The following GRB14 variants were observed in gnomAD, a reference collection of about 807,000 sequenced individuals.
GRB14 encodes the protein growth factor receptor bound protein 14.
GRB14 carries 38 observed loss-of-function variants against 69.1 expected under a neutral mutation model. That is an observed-to-expected ratio of 0.55 (90% CI 0.42 to 0.72). The LOEUF is 0.72. Among genes scored for constraint, GRB14 ranks in the 30% least tolerant of loss-of-function variants. GRB14 has a pLI of 0.00. For missense variants in GRB14, 666 were observed against 666.1 expected, an observed-to-expected ratio of 1.00 and a Z score of 0.00; for synonymous variants, 247 against 241.3, an observed-to-expected ratio of 1.02 and a Z score of -0.22.
chr2:164,578,975 G>C (rs1464509176), intron 2 of GRB14, among the ~76,000 whole-genome samples: 1 of 151,960 alleles, frequency 6.6e-6, no homozygotes, highest in Non-Finnish European at 1.5e-5. Flanking sequence ...TACTGGGTAG[G>C]AATTAAGAGA....
At chr2:164,510,142 A>G (rs1173587405) in intron 6 of GRB14, among the ~76,000 whole-genome samples, 1 of 152,208 alleles carries the variant, frequency 6.6e-6, no homozygotes, top group East Asian at 1.9e-4. Context: ...GCTGGTAAAA[A>G]TGTTTGATTT....
At chr2:164,529,684 A>G (rs1180153345) in intron 3 of GRB14, among the ~76,000 whole-genome samples, 1 of 152,142 alleles carries the variant, frequency 6.6e-6, no homozygotes, top group Non-Finnish European at 1.5e-5. Context: ...CACCATTTCA[A>G]TTTAGACCTT....
At chr2:164,603,945 G>A (rs964426907) in intron 2 of GRB14, among the ~76,000 whole-genome samples, 7 of 152,152 alleles carry the variant, frequency 4.6e-5, no homozygotes, top group African/African-American at 1.7e-4. Flanking sequence ...GAATAATACA[G>A]GTAATTCACA....
chr2:164,508,625 A>C, intron 7 of GRB14, 75 bp from the exon 8 acceptor site: 1 of 1,470,880 alleles, frequency 6.8e-7, no homozygotes. Context: ...AAAGCCACTA[A>C]AATTCTCCTA....
intron 3 of GRB14, among the ~76,000 whole-genome samples, chr2:164,543,897 A>G (rs2105306648): frequency 6.6e-6 from 1 of 152,358 alleles, no homozygotes; most frequent in Admixed American, 6.5e-5. Context: ...AGATGACAGT[A>G]CCTCAATAGT....
intron 3 of GRB14, among the ~76,000 whole-genome samples, chr2:164,547,148 T>C (rs1688401285): frequency 6.6e-6 from 1 of 152,048 alleles, no homozygotes; most frequent in African/African-American, 2.4e-5. Flanking sequence ...AGTGCCAAGA[T>C]ACAGACACAC....
At chr2:164,592,443 T>C (rs987397344) in intron 2 of GRB14, among the ~76,000 whole-genome samples, 4 of 152,090 alleles carry the variant, frequency 2.6e-5, no homozygotes, top group Non-Finnish European at 5.9e-5. Context: ...GAGTCATGGG[T>C]ATGTCTTTAT....
At chr2:164,561,948 C>A (rs1688839442) in intron 2 of GRB14, among the ~76,000 whole-genome samples, 1 of 152,004 alleles carries the variant, frequency 6.6e-6, no homozygotes, top group Non-Finnish European at 1.5e-5. Flanking sequence ...CTTTTCATCC[C>A]AAAAGATGAG....
chr2:164,524,373 A>T (rs1433859869), intron 5 of GRB14, among the ~76,000 whole-genome samples: 2 of 152,146 alleles, frequency 1.3e-5, no homozygotes, highest in African/African-American at 4.8e-5. Context: ...TATTGTAATG[A>T]CAATGTCTTT....
chr2:164,592,023 A>T (rs977534071), intron 2 of GRB14, among the ~76,000 whole-genome samples: 1 of 152,020 alleles, frequency 6.6e-6, no homozygotes, highest in Non-Finnish European at 1.5e-5. Context: ...ACCATGTAAG[A>T]TGTGCCTTTT....
At chr2:164,616,767 G>A (rs1690308394) in intron 2 of GRB14, among the ~76,000 whole-genome samples, 2 of 152,096 alleles carry the variant, frequency 1.3e-5, no homozygotes, top group African/African-American at 4.8e-5. Context: ...TTTTTCTGTG[G>A]AGAGAAAAGA....
Position 164,621,381 on chromosome 2 carries a change from G to GCCTCCCGCC in GRB14, c.-73_-72insGGCGGGAGG. 8.4e-7 allele frequency: 1 copy of GCCTCCCGCC among 1,194,388 alleles called. No homozygotes were observed. Among genetic ancestry groups the GCCTCCCGCC allele is most frequent in the Non-Finnish European group, 1.1e-6 (1 of 950,492 alleles). The allele number at this position is 1,194,388 out of a possible 1,614,324, so 74.0% of individuals were successfully genotyped here. On this transcript the variant is annotated 5_prime_UTR_variant, in exon 1 of 14. Coordinates refer to ENST00000263915, the MANE Select transcript of GRB14 (RefSeq NM_004490.3). This position sits in a 1 kb window ranked among gnomAD's most constrained non-coding sequence, Gnocchi z 6.0. ...GGGAGAAGGGGTTTGCGCGGCGGGA[G>GCCTCCCGCC]GCGAGGTGCCGGCTAGGCAGCCCGA...
chr2:164,620,175 A>G (rs913152751), intron 1 of GRB14, among the ~76,000 whole-genome samples: 1 of 151,734 alleles, frequency 6.6e-6, no homozygotes, highest in East Asian at 1.9e-4. Flanking sequence ...AAAATAGACT[A>G]TACAATTACT....
intron 2 of GRB14, chr2:164,574,110 T>G: frequency 2.8e-6 from 2 of 721,830 alleles, no homozygotes; most frequent in Non-Finnish European, 4.7e-6. Context: ...TACTCTACTA[T>G]GAATTTTCAC....
intron 2 of GRB14, among the ~76,000 whole-genome samples, chr2:164,591,731 TG>T (rs1392845627): frequency 1.3e-5 from 2 of 152,270 alleles, no homozygotes; most frequent in East Asian, 3.9e-4. Context: ...TCTATTGCTC[TG>T]GGAGGCTGAG....
chr2:164,567,941 C>G (rs947153089), intron 2 of GRB14, among the ~76,000 whole-genome samples: 1 of 152,080 alleles, frequency 6.6e-6, no homozygotes, highest in South Asian at 2.1e-4. Flanking sequence ...AACAAAGAAA[C>G]TATTCCTTAG....
At chr2:164,552,255 A>C (rs982242408) in intron 2 of GRB14, among the ~76,000 whole-genome samples, 1 of 151,796 alleles carries the variant, frequency 6.6e-6, no homozygotes, top group African/African-American at 2.4e-5. Context: ...CCTAGCAAAA[A>C]CTCTTTTAAG....
intron 2 of GRB14, among the ~76,000 whole-genome samples, chr2:164,559,237 T>C (rs528050691): frequency 2.8e-4 from 43 of 152,298 alleles, no homozygotes; most frequent in African/African-American, 9.9e-4. Flanking sequence ...TGTATACCCA[T>C]TTTGTAATTT....
At chr2:164,594,565 T>G (rs1346845304) in intron 2 of GRB14, among the ~76,000 whole-genome samples, 1 of 152,182 alleles carries the variant, frequency 6.6e-6, no homozygotes, top group Non-Finnish European at 1.5e-5. Context: ...TGTAATTATT[T>G]ACTCAGAAAT....
Sources: allele counts gnomAD v4.1 joint callset (sites outside exome capture counted in the v4.1 genomes callset), GRCh38; gene constraint gnomAD v4.1.1; non-coding constraint Gnocchi (gnomAD v3.1); transcripts MANE v1.5; gene names NCBI Gene and HGNC (gene_info 2026-07-23, HGNC 2026-07-21).